The following PPFIA2 variants were observed in gnomAD, a reference collection of about 807,000 sequenced individuals.
PPFIA2 encodes liprin-alpha-2.
Under a neutral mutation model 175.5 loss-of-function variants are expected in PPFIA2, and 46 were observed. That is an observed-to-expected ratio of 0.26 (90% CI 0.21 to 0.34). The LOEUF (loss-of-function observed/expected upper bound fraction) is 0.34. PPFIA2 is among the 10% of genes least tolerant of loss of function. PPFIA2 has a pLI of 1.00. For synonymous variants in PPFIA2, 568 were observed against 511.4 expected (o/e 1.11, Z -1.49); for missense variants, 1,179 against 1,506.1 (o/e 0.78, Z 3.60).
At position 81,468,576 on chromosome 12, in the gene PPFIA2, C is replaced by T. The variant is rs138209959; in HGVS notation, c.304-10710G>A. On this transcript the variant is annotated intron_variant, in intron 4 of 32. Coordinates refer to ENST00000549396, the MANE Select transcript of PPFIA2 (RefSeq NM_003625.5). ...ACTCCCAGACACACAAAATAGCATT[C>T]GAGCTGAATATTTAAATCTCCCAAC... Among the ~76,000 whole-genome samples, 616 of 152,256 alleles carry T rather than the reference C, an allele frequency of 4.0e-3. 2 individuals carry two copies. Among genetic ancestry groups the T allele is most frequent in the African/African-American group, 0.014 (574 of 41,554 alleles).
At chr12:81,717,675 T>C (rs1186667548) in intron 3 of PPFIA2, among the ~76,000 whole-genome samples, 1 of 151,676 alleles carries the variant, frequency 6.6e-6, no homozygotes, top group Non-Finnish European at 1.5e-5. Context: ...TGCCAGGCAC[T>C]GTCCTGGGTG....
intron 3 of PPFIA2, among the ~76,000 whole-genome samples, chr12:81,677,261 T>C (rs1267258678): frequency 6.6e-6 from 1 of 151,980 alleles, no homozygotes; most frequent in Non-Finnish European, 1.5e-5. Flanking sequence ...ATTTATGACA[T>C]ATGATATTTT....
chr12:81,334,905 T>C (rs750960557), intron 21 of PPFIA2, among the ~76,000 whole-genome samples: 1 of 152,198 alleles, frequency 6.6e-6, no homozygotes, highest in African/African-American at 2.4e-5. Context: ...TTCAGATACA[T>C]TGCTTCTTCC....
chr12:81,338,604 C>T (rs199991060), intron 21 of PPFIA2, among the ~76,000 whole-genome samples: 2 of 150,604 alleles, frequency 1.3e-5, no homozygotes, highest in Non-Finnish European at 3.0e-5. Context: ...TAGTTTTAAG[C>T]AAAAAAAAAT....
At chr12:81,569,633 C>T (rs1321108757) in intron 4 of PPFIA2, among the ~76,000 whole-genome samples, 1 of 151,908 alleles carries the variant, frequency 6.6e-6, no homozygotes, top group African/African-American at 2.4e-5. Context: ...AATTTAACAC[C>T]AAATAATAAA....
chr12:81,541,146 T>C (rs2066149349), intron 4 of PPFIA2, among the ~76,000 whole-genome samples: 1 of 152,146 alleles, frequency 6.6e-6, no homozygotes, highest in East Asian at 1.9e-4. Flanking sequence ...TGTTGATACA[T>C]GTTGTTAAAT....
chr12:81,377,154 G>A (rs964860892), intron 9 of PPFIA2, among the ~76,000 whole-genome samples: 2 of 152,098 alleles, frequency 1.3e-5, no homozygotes, highest in Non-Finnish European at 2.9e-5. Flanking sequence ...AAAACTTGAA[G>A]TGAGATGCTG....
At chr12:81,592,023 TG>T (rs762096888) in intron 4 of PPFIA2, among the ~76,000 whole-genome samples, 12 of 151,678 alleles carry the variant, frequency 7.9e-5, no homozygotes, top group Non-Finnish European at 1.2e-4. Context: ...GCCATAGGGG[TG>T]GAATTGCCCA....
chr12:81,473,485 T>G (rs2057053052), intron 4 of PPFIA2, among the ~76,000 whole-genome samples: 3 of 152,110 alleles, frequency 2.0e-5, no homozygotes, highest in Non-Finnish European at 1.5e-5. Context: ...TTTTTGCTAT[T>G]TTATACCATC....
intron 8 of PPFIA2, among the ~76,000 whole-genome samples, chr12:81,404,869 T>C (rs2142888888): frequency 6.6e-6 from 1 of 152,362 alleles, no homozygotes; most frequent in East Asian, 1.9e-4. Flanking sequence ...AGTCACTTGC[T>C]TCTTAATCGC....
chr12:81,581,489 C>A (rs951894760), intron 4 of PPFIA2, among the ~76,000 whole-genome samples: 1 of 151,704 alleles, frequency 6.6e-6, no homozygotes, highest in African/African-American at 2.4e-5. Context: ...TGAGGCCTCT[C>A]CTCCCCATAT....
chr12:81,486,978 C>A (rs1369799226), intron 4 of PPFIA2, among the ~76,000 whole-genome samples: 2 of 151,868 alleles, frequency 1.3e-5, no homozygotes, highest in East Asian at 1.9e-4. Flanking sequence ...TACCAGATTT[C>A]TTTTAAAAAT....
chr12:81,442,226 A>T (rs1320725170), intron 6 of PPFIA2, among the ~76,000 whole-genome samples: 1 of 152,078 alleles, frequency 6.6e-6, no homozygotes, highest in Admixed American at 6.6e-5. Flanking sequence ...CGAAGTAATA[A>T]ATCTAAAACT....
At chr12:81,365,987 T>TCCC in intron 14 of PPFIA2, among the ~76,000 whole-genome samples, 1 of 32,000 alleles carries the variant, frequency 3.1e-5, no homozygotes, top group East Asian at 1.4e-3. Flanking sequence ...CCTCCCTCCC[T>TCCC]TCCTTCCTTC....
intron 3 of PPFIA2, among the ~76,000 whole-genome samples, chr12:81,697,604 G>A (rs941202886): frequency 4.6e-5 from 7 of 152,002 alleles, no homozygotes; most frequent in Non-Finnish European, 1.0e-4. Flanking sequence ...AATAACATTC[G>A]TCCAGAAACT....
chr12:81,505,551 A>AATGTCTAGCAATTGATTGTT (rs1232650253), intron 4 of PPFIA2: 1 of 152,158 alleles, frequency 6.6e-6, no homozygotes, highest in Non-Finnish European at 1.5e-5. Context: ...GCTCTGGAGC[A>AATGTCTAGCAATTGATTGTT]ATGTCTAGCA....
chr12:81,293,711 C>T (rs890115845), intron 24 of PPFIA2, among the ~76,000 whole-genome samples: 6 of 151,646 alleles, frequency 4.0e-5, no homozygotes, highest in African/African-American at 1.5e-4. Flanking sequence ...ATTAATACAA[C>T]CTCTATGGAA....
intron 24 of PPFIA2, among the ~76,000 whole-genome samples, chr12:81,285,145 G>A (rs996025592): frequency 1.3e-5 from 2 of 152,184 alleles, no homozygotes; most frequent in East Asian, 1.9e-4. Flanking sequence ...ATAACGTACA[G>A]TTTCGAAACC....
intron 19 of PPFIA2, among the ~76,000 whole-genome samples, chr12:81,343,300 C>A (rs566063752): frequency 8.0e-4 from 122 of 152,124 alleles, no homozygotes; most frequent in Non-Finnish European, 1.3e-3. Flanking sequence ...ATAGAACCTT[C>A]CATCCTACCT....
Sources: allele counts gnomAD v4.1 joint callset (sites outside exome capture counted in the v4.1 genomes callset), GRCh38; gene constraint gnomAD v4.1.1; transcripts MANE v1.5; gene names NCBI Gene and HGNC (gene_info 2026-07-23, HGNC 2026-07-21).